Variants in BABAM2 observed in about 807,000 individuals in gnomAD.
The protein encoded by BABAM2 is BRISC and BRCA1 A complex member 2, also known as BRISC and BRCA1-A complex member 2.
Under a neutral mutation model 54.7 loss-of-function variants are expected in BABAM2, and 31 were observed. That is an observed-to-expected ratio of 0.57 (90% CI 0.43 to 0.77). The LOEUF (loss-of-function observed/expected upper bound fraction) is 0.77. Among genes scored for constraint, BABAM2 ranks in the 30% least tolerant of loss-of-function variants. The pLI is 0.00. For synonymous variants in BABAM2, 167 were observed against 162.9 expected (o/e 1.03, Z -0.19); for missense variants, 364 against 455.8 (o/e 0.80, Z 1.83).
At chr2:28,250,250 C>A (rs1451451406) in intron 10 of BABAM2, among the ~76,000 whole-genome samples, 1 of 150,334 alleles carries the variant, frequency 6.7e-6, no homozygotes, top group East Asian at 2.0e-4. Context: ...AGCCCTGAGG[C>A]AGCAAAGAGC....
At chr2:28,093,314 A>G (rs1666320242) in intron 6 of BABAM2, among the ~76,000 whole-genome samples, 1 of 152,230 alleles carries the variant, frequency 6.6e-6, no homozygotes, top group South Asian at 2.1e-4. Flanking sequence ...GGAAAGGCTC[A>G]GGGGAGGCTG....
At chr2:28,187,662 A>ATTTTTTTTTT (rs35839748) in intron 7 of BABAM2, among the ~76,000 whole-genome samples, 2 of 99,162 alleles carry the variant, frequency 2.0e-5, no homozygotes, top group African/African-American at 3.8e-5. Context: ...GAACTTTGGA[A>ATTTTTTTTTT]TTTTTTTTTT....
intron 7 of BABAM2, among the ~76,000 whole-genome samples, chr2:28,205,890 T>C: frequency 6.6e-6 from 1 of 152,212 alleles, no homozygotes. Context: ...ATACTTCAGC[T>C]TTTAAAATAT....
intron 2 of BABAM2, among the ~76,000 whole-genome samples, chr2:27,907,440 A>C (rs960362529): frequency 1.3e-5 from 2 of 152,128 alleles, no homozygotes; most frequent in Non-Finnish European, 2.9e-5. Flanking sequence ...TCATTTAAAA[A>C]ACATTATTTT....
At chr2:28,074,253 T>C (rs1192842771) in intron 6 of BABAM2, among the ~76,000 whole-genome samples, 1 of 152,234 alleles carries the variant, frequency 6.6e-6, no homozygotes, top group Non-Finnish European at 1.5e-5. Flanking sequence ...CTCAGCACTA[T>C]TGACATTTTT....
chr2:28,047,195 C>T (rs921916923), intron 6 of BABAM2, among the ~76,000 whole-genome samples: 7 of 152,294 alleles, frequency 4.6e-5, no homozygotes, highest in Non-Finnish European at 1.0e-4. Flanking sequence ...CAATTTCTAT[C>T]AGTTTCTCTA....
At chr2:28,106,424 C>A (rs1166495037) in intron 6 of BABAM2, among the ~76,000 whole-genome samples, 3 of 152,180 alleles carry the variant, frequency 2.0e-5, no homozygotes, top group Non-Finnish European at 4.4e-5. Flanking sequence ...AGTTTAGAAT[C>A]ATGTGTGATT....
chr2:28,047,815 AC>A (rs1190800694), intron 6 of BABAM2, among the ~76,000 whole-genome samples: 1 of 152,222 alleles, frequency 6.6e-6, no homozygotes, highest in Non-Finnish European at 1.5e-5. Context: ...AACAACAATG[AC>A]CAAAAAGGAG....
At chr2:28,154,512 A>G (rs1672364307) in intron 7 of BABAM2, among the ~76,000 whole-genome samples, 2 of 152,198 alleles carry the variant, frequency 1.3e-5, no homozygotes, top group African/African-American at 4.8e-5. Context: ...ACTTTAATTA[A>G]TGCCTTTAAT....
At chr2:27,990,056 C>T (rs1257090710) in intron 4 of BABAM2, among the ~76,000 whole-genome samples, 2 of 151,938 alleles carry the variant, frequency 1.3e-5, no homozygotes, top group African/African-American at 2.4e-5. Flanking sequence ...AAAGAATAGC[C>T]GAAAAAATCA....
chr2:28,073,468 A>G (rs1174323423), intron 6 of BABAM2, among the ~76,000 whole-genome samples: 1 of 152,244 alleles, frequency 6.6e-6, no homozygotes, highest in East Asian at 1.9e-4. Context: ...AGTGCACTCC[A>G]GCCTGGATGA....
chr2:27,998,232 G>A (rs1008981570), intron 4 of BABAM2, among the ~76,000 whole-genome samples: 10 of 151,968 alleles, frequency 6.6e-5, no homozygotes, highest in South Asian at 6.2e-4. Context: ...GTCGTCTCTC[G>A]TCATCCATCC....
chr2:28,173,121 A>G (rs778441308), intron 7 of BABAM2, among the ~76,000 whole-genome samples: 14 of 152,174 alleles, frequency 9.2e-5, no homozygotes, highest in Non-Finnish European at 1.6e-4. Context: ...CAGAGATACT[A>G]TCTCTAAATA....
At chr2:27,945,791 G>A (rs767193105) in intron 3 of BABAM2, among the ~76,000 whole-genome samples, 6 of 150,488 alleles carry the variant, frequency 4.0e-5, no homozygotes, top group Non-Finnish European at 7.4e-5. Context: ...CCAATTTATA[G>A]TAGTGTGGTT....
intron 7 of BABAM2, among the ~76,000 whole-genome samples, chr2:28,157,719 C>T (rs1288314329): frequency 6.6e-6 from 1 of 152,174 alleles, no homozygotes; most frequent in East Asian, 1.9e-4. Flanking sequence ...TCAAGCTATT[C>T]TTTTGCCTCA....
chr2:28,212,858 G>GATT (rs59764644), intron 7 of BABAM2, among the ~76,000 whole-genome samples: 148,969 of 152,250 alleles, frequency 0.98, 72,967 homozygotes, highest in Middle Eastern at 1. Context: ...TCTTACTGAG[G>GATT]GTAATTCTTA....
chr2:28,053,520 C>T (rs539615090), intron 6 of BABAM2, among the ~76,000 whole-genome samples: 20 of 152,234 alleles, frequency 1.3e-4, no homozygotes, highest in Admixed American at 7.9e-4. Flanking sequence ...TGTAATAAGA[C>T]GATTTATCCT....
At chr2:28,095,534 A>T (rs1451364497) in intron 6 of BABAM2, among the ~76,000 whole-genome samples, 1 of 152,170 alleles carries the variant, frequency 6.6e-6, no homozygotes, top group Non-Finnish European at 1.5e-5. Context: ...TCCAGTACTC[A>T]TTATATTCCA....
chr2:27,988,662 A>T (rs558601066), intron 4 of BABAM2, among the ~76,000 whole-genome samples: 1 of 152,204 alleles, frequency 6.6e-6, no homozygotes, highest in Non-Finnish European at 1.5e-5. Context: ...CATTAGGGAA[A>T]GGGTGGTGGT....
Sources: gnomAD v4.1 joint callset for allele counts (sites outside exome capture counted in the v4.1 genomes callset) on GRCh38, gnomAD v4.1.1 for gene constraint, MANE v1.5 for transcripts, NCBI Gene and HGNC (gene_info 2026-07-23, HGNC 2026-07-21) for gene names.